ABTB3: variants seen among roughly 807,000 people sequenced by gnomAD.
ABTB3 encodes the protein ankyrin repeat- and BTB/POZ domain-containing protein 3.
the ABTB3 span, among the ~76,000 whole-genome samples, chr12:107,583,981 C>A: frequency 1.3e-5 from 2 of 152,190 alleles, no homozygotes; most frequent in Non-Finnish European, 1.5e-5. Context: ...AAAGAGAAAA[C>A]TGAAATATTC....
At chr12:107,349,793 C>T in the ABTB3 span, among the ~76,000 whole-genome samples, 5 of 152,294 alleles carry the variant, frequency 3.3e-5, no homozygotes, top group Non-Finnish European at 7.4e-5. Flanking sequence ...CAACTCTACC[C>T]AGGGATAAGG....
the ABTB3 span, among the ~76,000 whole-genome samples, chr12:107,503,952 G>T: frequency 6.6e-6 from 1 of 152,098 alleles, no homozygotes; most frequent in Non-Finnish European, 1.5e-5. Flanking sequence ...GCAACTCCCA[G>T]AACAGGTGCT....
At chr12:107,624,664 C>T in the ABTB3 span, among the ~76,000 whole-genome samples, 2 of 152,220 alleles carry the variant, frequency 1.3e-5, no homozygotes, top group African/African-American at 2.4e-5. Context: ...GTATCCGCAG[C>T]TTGTTCCTTT....
chr12:107,396,630 T>C, the ABTB3 span, among the ~76,000 whole-genome samples: 8 of 151,280 alleles, frequency 5.3e-5, no homozygotes, highest in Admixed American at 3.9e-4. Context: ...GTATTTGCTT[T>C]GGGACTCATG....
the ABTB3 span, among the ~76,000 whole-genome samples, chr12:107,390,759 A>G: frequency 6.6e-6 from 1 of 152,204 alleles, no homozygotes; most frequent in African/African-American, 2.4e-5. Context: ...AAAGAAAGAG[A>G]TTGGAATTTG....
chr12:107,341,236 C>T, the ABTB3 span, among the ~76,000 whole-genome samples: 5 of 152,198 alleles, frequency 3.3e-5, no homozygotes, highest in Admixed American at 6.5e-5. Flanking sequence ...TCTTCATCCA[C>T]GTTCTTCCAT....
chr12:107,649,353 G>T, the ABTB3 span: 29 of 1,340,750 alleles, frequency 2.2e-5, no homozygotes, highest in Non-Finnish European at 3.0e-5. Flanking sequence ...TCACCAGCCT[G>T]CATGGAAGTG....
At chr12:107,644,619 T>A in the ABTB3 span, among the ~76,000 whole-genome samples, 13 of 152,302 alleles carry the variant, frequency 8.5e-5, no homozygotes, top group South Asian at 1.9e-3. Flanking sequence ...AATTCACATT[T>A]TAACCTTTAG....
At chr12:107,491,842 A>AT in the ABTB3 span, among the ~76,000 whole-genome samples, 1 of 151,138 alleles carries the variant, frequency 6.6e-6, no homozygotes, top group Non-Finnish European at 1.5e-5. Flanking sequence ...AAAAAAAAAA[A>AT]CCCGGTTGAA....
At chr12:107,353,570 A>C in the ABTB3 span, among the ~76,000 whole-genome samples, 1 of 152,264 alleles carries the variant, frequency 6.6e-6, no homozygotes, top group Non-Finnish European at 1.5e-5. Context: ...TGCTTAAAGG[A>C]TTACATAATT....
chr12:107,332,532 G>A, the ABTB3 span, among the ~76,000 whole-genome samples: 110 of 152,304 alleles, frequency 7.2e-4, 2 homozygotes, highest in East Asian at 0.019. Flanking sequence ...GCCTTGAGGA[G>A]GGAATATGGG....
the ABTB3 span, among the ~76,000 whole-genome samples, chr12:107,496,299 C>G: frequency 6.6e-6 from 1 of 152,158 alleles, no homozygotes; most frequent in African/African-American, 2.4e-5. Flanking sequence ...CCACTTTCTC[C>G]CTCAAACCAG....
the ABTB3 span, among the ~76,000 whole-genome samples, chr12:107,437,383 C>A: frequency 7.3e-6 from 1 of 137,848 alleles, no homozygotes; most frequent in African/African-American, 2.8e-5. Flanking sequence ...TCTCCCTCTG[C>A]TTTTCTTTTT....
the ABTB3 span, among the ~76,000 whole-genome samples, chr12:107,473,330 T>C: frequency 1.3e-5 from 2 of 152,110 alleles, no homozygotes; most frequent in South Asian, 2.1e-4. Flanking sequence ...AATGCTGTTT[T>C]GACTCCCACA....
the ABTB3 span, among the ~76,000 whole-genome samples, chr12:107,396,622 A>G: frequency 1.4e-5 from 2 of 141,760 alleles, no homozygotes; most frequent in Non-Finnish European, 3.1e-5. Context: ...TTTTAATTGT[A>G]TTTGCTTTGG....
chr12:107,610,624 A>G, the ABTB3 span, among the ~76,000 whole-genome samples: 1 of 152,222 alleles, frequency 6.6e-6, no homozygotes, highest in Admixed American at 6.5e-5. Context: ...GAAAGGAAAT[A>G]ATGCCATCAC....
At chr12:107,389,748 C>A in the ABTB3 span, among the ~76,000 whole-genome samples, 1 of 151,542 alleles carries the variant, frequency 6.6e-6, no homozygotes. Context: ...CTCTACTGGA[C>A]TGGGATATCT....
the ABTB3 span, among the ~76,000 whole-genome samples, chr12:107,498,377 G>A: frequency 2.0e-5 from 3 of 152,302 alleles, no homozygotes; most frequent in East Asian, 3.9e-4. Context: ...ACCCTGAGGA[G>A]CCTCGTGAAG....
At chr12:107,357,403 T>C in the ABTB3 span, among the ~76,000 whole-genome samples, 1 of 151,890 alleles carries the variant, frequency 6.6e-6, no homozygotes, top group Non-Finnish European at 1.5e-5. Flanking sequence ...AGGCCAGGAG[T>C]TCGAGATGAG....
Sources: gnomAD v4.1 joint callset for allele counts (sites outside exome capture counted in the v4.1 genomes callset) on GRCh38, gnomAD v4.1.1 for gene constraint, MANE v1.5 for transcripts, NCBI Gene and HGNC (gene_info 2026-07-23, HGNC 2026-07-21) for gene names.